Variants in TMPPE observed in about 807,000 individuals in gnomAD.
The protein encoded by TMPPE is transmembrane protein with metallophosphoesterase domain.
A neutral mutation model predicts 22.6 loss-of-function variants in TMPPE; 16 were observed. The ratio of observed to expected loss-of-function variants is 0.71; its 90% confidence interval spans 0.48 to 1.08. The LOEUF is 1.08. TMPPE is among the 50% of genes least tolerant of loss of function. The probability of loss-of-function intolerance (pLI) is 0.00; values close to 1 mark genes in which losing one functional copy is unlikely to be tolerated. For synonymous variants in TMPPE, 240 were observed against 245.3 expected (o/e 0.98, Z 0.20); for missense variants, 526 against 584.3 (o/e 0.90, Z 1.03).
rs1411313192 is a variant in TMPPE at position 33,092,323 on chromosome 3, CA to C, written c.*510del. 1.0e-6 allele frequency: 1 copy of C among 987,246 alleles called. No individual in the cohort carries two copies. The highest frequency in any genetic ancestry group is 1.2e-6 in the Non-Finnish European group (1 of 831,278). 61.2% of individuals were successfully genotyped at this position (987,246 alleles called of 1,614,324 possible). A position where few individuals can be genotyped will look rare whatever the true frequency, so the allele number is the denominator to read the frequency against. ...AAAGAAAATATTCTTCTCTAGCAGC[CA>C]GAGGGCCCTTCCATCTTGCCTGTTC... is the stretch of plus-strand genomic sequence containing the variant. On this transcript the variant is annotated 3_prime_UTR_variant, in exon 2 of 2. Transcript: ENST00000342462.
chr3:33,092,535 C>G lies in TMPPE; in HGVS notation c.*299G>C. 1 of 1,153,194 alleles carries G rather than the reference C, an allele frequency of 8.7e-7. No homozygotes were observed. Among genetic ancestry groups the G allele is most frequent in the South Asian group, 3.6e-5 (1 of 27,614 alleles). The allele number at this position is 1,153,194 out of a possible 1,614,324, so 71.4% of individuals were successfully genotyped here. ...GAGGGGAGGTTCATCCCTGGGAGCTCTGCAGGAGAAGGTCCCCATTCCACA... is the reference window on the plus strand; with the variant it reads ...GAGGGGAGGTTCATCCCTGGGAGCTGTGCAGGAGAAGGTCCCCATTCCACA... On this transcript the variant is annotated 3_prime_UTR_variant, in exon 2 of 2. Transcript: ENST00000342462.
chr3:33,091,264 C>CCAG lies in TMPPE; in HGVS notation c.*1569_*1570insCTG, dbSNP rs1700747833. On this transcript the variant is annotated 3_prime_UTR_variant, in exon 2 of 2. Coordinates refer to ENST00000342462, the MANE Select transcript of TMPPE (RefSeq NM_001039770.3). ...GCATGGTATGGCCCACTGTCAATAC[C>CCAG]GTGGCTGCCTGGGAACAAAAAGGGT... The CCAG allele has an allele frequency of 4.1e-6, 4 of 985,336 alleles. No individual in the cohort carries two copies. Among genetic ancestry groups the CCAG allele is most frequent in the East Asian group, 1.1e-4 (1 of 8,826 alleles). The allele number at this position is 985,336 out of a possible 1,614,324, so 61.0% of individuals were successfully genotyped here. A position where few individuals can be genotyped will look rare whatever the true frequency, so the allele number is the denominator to read the frequency against.
chr3:33,090,587 C>T lies in TMPPE; in HGVS notation c.*2247G>A, dbSNP rs552279483. ...GAAAGAATGATCAAGCTTCAAGTAA[C>T]GTTTCTCACCACCTCCCCCGGCCAC... On this transcript the variant is annotated 3_prime_UTR_variant, in exon 2 of 2. Coordinates refer to ENST00000342462, the MANE Select transcript of TMPPE (RefSeq NM_001039770.3). 31 of 985,316 alleles carry T rather than the reference C, an allele frequency of 3.1e-5. No homozygotes were observed. The East Asian group carries it at 4.5e-4, about 14-fold the overall frequency. The allele number at this position is 985,316 out of a possible 1,614,324, so 61.0% of individuals were successfully genotyped here.
chr3:33,091,751 CGAGT>C lies in TMPPE; in HGVS notation c.*1079_*1082del, dbSNP rs1465977601. 2.0e-6 allele frequency: 2 copies of C among 985,280 alleles called. No homozygotes were observed. Among genetic ancestry groups the C allele is most frequent in the Non-Finnish European group, 2.4e-6 (2 of 829,958 alleles). 61.0% of individuals were successfully genotyped at this position (985,280 alleles called of 1,614,324 possible). A position where few individuals can be genotyped will look rare whatever the true frequency, so the allele number is the denominator to read the frequency against. On this transcript the variant is annotated 3_prime_UTR_variant, in exon 2 of 2. Transcript: ENST00000342462. ...GCAGGGTTAGCCTCTCCAGTCAGAG[CGAGT>C]GTCTTCACTCCCCATTGGAGGAAGA... is the stretch of plus-strand genomic sequence containing the variant.
intron 1 of TMPPE, chr3:33,096,319 G>A: frequency 4.4e-6 from 4 of 918,162 alleles, no homozygotes; most frequent in Non-Finnish European, 5.2e-6. Context: ...CCCACCAACT[G>A]TGCACGCCCC....
At chr3:33,094,813 G>A (rs1350322704) in intron 1 of TMPPE, among the ~76,000 whole-genome samples, 1 of 152,140 alleles carries the variant, frequency 6.6e-6, no homozygotes, top group Non-Finnish European at 1.5e-5. Flanking sequence ...GTAAAACAGT[G>A]CAACTCTTCA....
chr3:33,095,606 A>C (rs1559425134), intron 1 of TMPPE, among the ~76,000 whole-genome samples: 1 of 152,168 alleles, frequency 6.6e-6, no homozygotes, highest in Admixed American at 6.5e-5. Context: ...TATGGCAGCC[A>C]CAGGGCATCC....
Position 33,092,178 on chromosome 3 carries a change from A to G in TMPPE, c.*656T>C. 1 of 985,688 alleles carries G rather than the reference A, an allele frequency of 1.0e-6. No homozygotes were observed. Among genetic ancestry groups the G allele is most frequent in the Non-Finnish European group, 1.2e-6 (1 of 830,158 alleles). 61.1% of individuals were successfully genotyped at this position (985,688 alleles called of 1,614,324 possible). ...TTCTTCTCCCCTGACCTTGCCCCCA[A>G]AGGCCCAGGAGCACAGACAGTTAAA... On this transcript the variant is annotated 3_prime_UTR_variant, in exon 2 of 2. Transcript: ENST00000342462.
chr3:33,090,587 C>A lies in TMPPE; in HGVS notation c.*2247G>T. On this transcript the variant is annotated 3_prime_UTR_variant, in exon 2 of 2. Coordinates refer to ENST00000342462, the MANE Select transcript of TMPPE (RefSeq NM_001039770.3). ...GAAAGAATGATCAAGCTTCAAGTAA[C>A]GTTTCTCACCACCTCCCCCGGCCAC... 1.0e-6 allele frequency: 1 copy of A among 985,316 alleles called. No homozygotes were observed. The highest frequency in any genetic ancestry group is 1.2e-6 in the Non-Finnish European group (1 of 829,902). 61.0% of individuals were successfully genotyped at this position (985,316 alleles called of 1,614,324 possible). A position where few individuals can be genotyped will look rare whatever the true frequency, so the allele number is the denominator to read the frequency against.
At chr3:33,094,407 A>C in intron 1 of TMPPE, 104 bp from the exon 2 acceptor site, 1 of 1,303,068 alleles carries the variant, frequency 7.7e-7, no homozygotes, top group East Asian at 2.7e-5. Context: ...CTTGAATCCA[A>C]GCTACTCAAA....
In TMPPE at chr3:33,091,052, A is replaced by T; in HGVS notation, c.*1782T>A. The T allele has an allele frequency of 1.0e-6, 1 of 985,468 alleles. No homozygotes were observed. Among genetic ancestry groups the T allele is most frequent in the South Asian group, 4.7e-5 (1 of 21,290 alleles). 61.0% of individuals were successfully genotyped at this position (985,468 alleles called of 1,614,324 possible). On this transcript the variant is annotated 3_prime_UTR_variant, in exon 2 of 2. Coordinates refer to ENST00000342462, the MANE Select transcript of TMPPE (RefSeq NM_001039770.3). ...TGAGTCAAACATTACCAGCCGCATC[A>T]AACAGTGGAAGTGAAATGGCACCAT...
In TMPPE at chr3:33,092,496, T is replaced by C. The variant is rs1700806756; in HGVS notation, c.*338A>G. ...CCGCCCCACCTTCTAGAGGTATGCCTTTCTAGCAACCCCGAGGGGAGGTTC... is the reference window on the plus strand; with the variant it reads ...CCGCCCCACCTTCTAGAGGTATGCCCTTCTAGCAACCCCGAGGGGAGGTTC... On this transcript the variant is annotated 3_prime_UTR_variant, in exon 2 of 2. Coordinates refer to ENST00000342462, the MANE Select transcript of TMPPE (RefSeq NM_001039770.3). The C allele has an allele frequency of 9.3e-7, 1 of 1,072,970 alleles. No individual in the cohort carries two copies. The highest frequency in any genetic ancestry group is 1.6e-5 in the African/African-American group (1 of 61,106). The allele number at this position is 1,072,970 out of a possible 1,614,324, so 66.5% of individuals were successfully genotyped here.
In TMPPE at chr3:33,093,734, G is replaced by T; in HGVS notation, c.462C>A (p.Gly154=). ...CGAGCTTCCTTGTCTTCTCAAGGCT[G>T]CCCACGACCCTACCACTGCGCCAGG... ...LLAWRSGRVV[G]SLEKTRKLVL... is the part of the protein sequence containing the mutation. Residue 154 remains glycine (G), a synonymous_variant, in exon 2 of 2, where the codon GGC becomes GGA. Coordinates refer to ENST00000342462, the MANE Select transcript of TMPPE (RefSeq NM_001039770.3). This position sits in a 1 kb window ranked among gnomAD's most constrained non-coding sequence, Gnocchi z 6.0. 6.2e-7 allele frequency: 1 copy of T among 1,613,836 alleles called. No individual in the cohort carries two copies. The highest frequency in any genetic ancestry group is 8.5e-7 in the Non-Finnish European group (1 of 1,179,892).
rs1700760988 is a variant in TMPPE at position 33,091,513 on chromosome 3, T to A, written c.*1321A>T. On this transcript the variant is annotated 3_prime_UTR_variant, in exon 2 of 2. Transcript: ENST00000342462. ...TCTGGGCACCTGTGCCCAACAGAGT[T>A]CCTTAGCAAGCTCCACTGGAACGTT... is the stretch of plus-strand genomic sequence containing the variant. The A allele has an allele frequency of 1.0e-6, 1 of 985,488 alleles. No individual in the cohort carries two copies. Among genetic ancestry groups the A allele is most frequent in the African/African-American group, 1.7e-5 (1 of 57,356 alleles). The allele number at this position is 985,488 out of a possible 1,614,324, so 61.0% of individuals were successfully genotyped here.
intron 1 of TMPPE, among the ~76,000 whole-genome samples, chr3:33,096,160 A>C (rs72856192): frequency 0.017 from 2,532 of 152,200 alleles, 63 homozygotes; most frequent in African/African-American, 0.057. Context: ...GGAGGAACCA[A>C]AGTTGGTCCG....
rs775440094 is a variant in TMPPE, at chr3:33,096,969, C to A, written c.-359G>T. 6.2e-7 allele frequency: 1 copy of A among 1,603,926 alleles called. No individual in the cohort carries two copies. The highest frequency in any genetic ancestry group is 1.7e-5 in the Admixed American group (1 of 58,634). ...CCAGCCCGGTTCCCCGCCAGCCTGT[C>A]CCCTAGCAATGCCTCCCCGTACCCG... is the stretch of plus-strand genomic sequence containing the variant. On this transcript the variant is annotated 5_prime_UTR_variant, in exon 1 of 2. Coordinates refer to ENST00000342462, the MANE Select transcript of TMPPE (RefSeq NM_001039770.3).
chr3:33,096,535 G>A (rs770592734), intron 1 of TMPPE, 184 bp downstream of exon 1: 30 of 985,168 alleles, frequency 3.0e-5, no homozygotes, highest in South Asian at 4.7e-5. Context: ...CACCCAGAGG[G>A]GAAATAACCC....
At position 33,096,940 on chromosome 3, in the gene TMPPE, G is replaced by A; in HGVS notation, c.-330C>T. On this transcript the variant is annotated 5_prime_UTR_variant, in exon 1 of 2. Coordinates refer to ENST00000342462, the MANE Select transcript of TMPPE (RefSeq NM_001039770.3). ...GCCCTGCGGGACCGCGGGTGGCTGC[G>A]ACCCCAGCCCGGTTCCCCGCCAGCC... 1.3e-6 allele frequency: 2 copies of A among 1,563,590 alleles called. No individual in the cohort carries two copies. Among genetic ancestry groups the A allele is most frequent in the South Asian group, 1.2e-5 (1 of 85,470 alleles).
chr3:33,094,450 C>G, intron 1 of TMPPE, 147 bp from the exon 2 acceptor site: 1 of 984,090 alleles, frequency 1.0e-6, no homozygotes, highest in African/African-American at 1.6e-5. Context: ...CTTTATTATT[C>G]AAAAAGAAAC....
Sources: allele counts gnomAD v4.1 joint callset (sites outside exome capture counted in the v4.1 genomes callset), GRCh38; gene constraint gnomAD v4.1.1; non-coding constraint Gnocchi (gnomAD v3.1); transcripts MANE v1.5; gene names NCBI Gene and HGNC (gene_info 2026-07-23, HGNC 2026-07-21).